Variants in FSCN2 observed in about 807,000 individuals in gnomAD.
FSCN2 encodes fascin actin-bundling protein 2, retinal, also known as fascin-2.
A neutral mutation model predicts 37.8 loss-of-function variants in FSCN2; 46 were observed. That is an observed-to-expected ratio of 1.22 (90% CI 0.96 to 1.56). The LOEUF (loss-of-function observed/expected upper bound fraction) is 1.56, where lower values mean the gene tolerates loss of function less well. Ranked by LOEUF, FSCN2 falls within the 40% of genes most tolerant of loss-of-function variation. The pLI, the probability that FSCN2 is intolerant of heterozygous loss-of-function variation, is 0.00. For missense variants in FSCN2, 844 were observed against 730.4 expected, an observed-to-expected ratio of 1.16 and a Z score of -1.79; for synonymous variants, 351 against 309.4, an observed-to-expected ratio of 1.13 and a Z score of -1.41.
chr17:81,537,088 C>A lies in FSCN2; in HGVS notation c.*8C>A. 1 of 1,417,548 alleles carries A rather than the reference C, an allele frequency of 7.1e-7. No homozygotes were observed. The highest frequency in any genetic ancestry group is 3.3e-5 in the Admixed American group (1 of 30,192). The allele number at this position is 1,417,548 out of a possible 1,614,324, so 87.8% of individuals were successfully genotyped here. ...GCGCTTTGGGAGTACTGAGGCCGCG[C>A]CCAGACCAGCCTGTCGCGCATTAAA... On this transcript the variant is annotated 3_prime_UTR_variant, in exon 5 of 5. Coordinates refer to ENST00000417245, the MANE Select transcript of FSCN2 (RefSeq NM_012418.4).
chr17:81,531,831 GTGGTGA>G (rs1210981984), intron 1 of FSCN2, among the ~76,000 whole-genome samples: 3 of 100,290 alleles, frequency 3.0e-5, no homozygotes, highest in Non-Finnish European at 5.7e-5. Context: ...GATGGTGGTG[GTGGTGA>G]TGGTGGTGAT....
In FSCN2 at chr17:81,536,743, C is replaced by G; in HGVS notation, c.1227C>G (p.Tyr409Ter). The G allele has an allele frequency of 6.2e-7, 1 of 1,610,574 alleles. No individual in the cohort carries two copies. The highest frequency in any genetic ancestry group is 8.5e-7 in the Non-Finnish European group (1 of 1,179,092). Residue 409 changes from tyrosine (Y) to a stop codon, truncating the protein, a stop_gained, in exon 4 of 5, where the codon TAC becomes TAG. Transcript: ENST00000417245. LOFTEE classifies it low-confidence loss of function (END_TRUNC). ...AGCTGGACACCAACCGCTCCGTCTA[C>G]GACGTCTTCCACCTGAGCTTCAGCG... ...SNQLDTNRSV[Y>*]DVFHLSFSDG...
rs1307596494 is a variant in FSCN2 at position 81,532,074 on chromosome 17, G to GTGGTGA, written c.826+2732_826+2737dup. Among the ~76,000 whole-genome samples, 20 of 131,272 alleles carry GTGGTGA rather than the reference G, an allele frequency of 1.5e-4. 1 individual carries two copies. Among genetic ancestry groups the GTGGTGA allele is most frequent in the African/African-American group, 5.5e-4 (19 of 34,826 alleles). The allele number at this position is 131,272 out of a possible 152,430, so 86.1% of individuals were successfully genotyped here. On this transcript the variant is annotated intron_variant, in intron 1 of 4. Transcript: ENST00000417245. ...GATGGTGATGGTGATGATAGTGATG[G>GTGGTGA]TGGTGATGGTGATGGTGATGATGGT...
chr17:81,532,273 T>G (rs1208507959), intron 1 of FSCN2, among the ~76,000 whole-genome samples: 2 of 144,674 alleles, frequency 1.4e-5, no homozygotes, highest in African/African-American at 5.4e-5. Flanking sequence ...ATAGTGATGG[T>G]GGTGATGGTG....
At position 81,536,806 on chromosome 17, in the gene FSCN2, G is replaced by A; in HGVS notation, c.1273+17G>A. On this transcript the variant is annotated intron_variant, in intron 4 of 4. Coordinates refer to ENST00000417245, the MANE Select transcript of FSCN2 (RefSeq NM_012418.4). ...GGATCCGAGGTGCGTGGCGGGGCGG[G>A]TGGGCACGCGGGAGCGGGGGTGGCA... The A allele has an allele frequency of 6.4e-7, 1 of 1,569,696 alleles. No homozygotes were observed. Among genetic ancestry groups the A allele is most frequent in the East Asian group, 2.3e-5 (1 of 42,870 alleles).
At chr17:81,533,096 G>A (rs1197270785) in intron 1 of FSCN2, among the ~76,000 whole-genome samples, 1 of 152,156 alleles carries the variant, frequency 6.6e-6, no homozygotes, top group Non-Finnish European at 1.5e-5. Flanking sequence ...CGTGGGTGGT[G>A]CCATAGCATC....
At chr17:81,531,332 G>GATGATA (rs1555671264) in intron 1 of FSCN2, among the ~76,000 whole-genome samples, 1 of 141,492 alleles carries the variant, frequency 7.1e-6, no homozygotes, top group East Asian at 2.1e-4. Context: ...TGGTGGTGGT[G>GATGATA]GTGATGGTGG....
upstream of FSCN2, among the ~76,000 whole-genome samples, chr17:81,524,914 CACACA>C (rs1555669881): frequency 2.9e-4 from 43 of 149,664 alleles, no homozygotes; most frequent in Non-Finnish European, 6.0e-4. Flanking sequence ...CACACACACA[CACACA>C]CCACACTCAC....
chr17:81,521,595 C>T, the FSCN2 span, among the ~76,000 whole-genome samples: 1 of 152,158 alleles, frequency 6.6e-6, no homozygotes, highest in African/African-American at 2.4e-5. Flanking sequence ...TGGTCTTGAA[C>T]TCCTGGGTTC....
chr17:81,520,324 C>G, the FSCN2 span, among the ~76,000 whole-genome samples: 1 of 152,186 alleles, frequency 6.6e-6, no homozygotes, highest in Non-Finnish European at 1.5e-5. Flanking sequence ...ACACCATGCC[C>G]AGGGAAGGAT....
intron 1 of FSCN2, among the ~76,000 whole-genome samples, chr17:81,531,255 GTGA>G (rs1336746995): frequency 2.3e-4 from 26 of 115,120 alleles, no homozygotes; most frequent in South Asian, 5.7e-4. Context: ...GATGGTGATG[GTGA>G]TGATGGTGGT....
intron 1 of FSCN2, among the ~76,000 whole-genome samples, chr17:81,531,495 ATGG>A (rs1300659276): frequency 5.4e-5 from 5 of 92,426 alleles, no homozygotes; most frequent in East Asian, 3.9e-4. Context: ...GATGATGGTG[ATGG>A]TGATGGTGGT....
In FSCN2 at chr17:81,533,440, C is replaced by T. The variant is rs182896022; in HGVS notation, c.827-1612C>T. Among the ~76,000 whole-genome samples the T allele has an allele frequency of 3.3e-3, 507 of 152,324 alleles. 3 individuals carry two copies. Among genetic ancestry groups the T allele is most frequent in the African/African-American group, 0.011 (473 of 41,562 alleles). The stretch of plus-strand genomic sequence containing the variant: ...GCTCAGCAGCTTCCCCGGAGTCCTC[C>T]GTTCTTACCTCCTCACCGAACCACT... On this transcript the variant is annotated intron_variant, in intron 1 of 4. Coordinates refer to ENST00000417245, the MANE Select transcript of FSCN2 (RefSeq NM_012418.4).
At chr17:81,534,340 G>A (rs781484807) in intron 1 of FSCN2, among the ~76,000 whole-genome samples, 45 of 152,180 alleles carry the variant, frequency 3.0e-4, no homozygotes, top group Non-Finnish European at 4.4e-4. Flanking sequence ...CCTGGGCCTT[G>A]TGGGAAGCTC....
In FSCN2 at chr17:81,536,362, C is replaced by T. The variant is rs548655583; in HGVS notation, c.1105+95C>T. On this transcript the variant is annotated intron_variant, in intron 3 of 4. Transcript: ENST00000417245. ...CCCCATCTCCACCAAGAGCTGGACCCTCCCCAGCCCACGGAACGGGTGCTG... is the reference window on the plus strand; with the variant it reads ...CCCCATCTCCACCAAGAGCTGGACCTTCCCCAGCCCACGGAACGGGTGCTG... 5.4e-5 allele frequency: 80 copies of T among 1,482,772 alleles called. 1 individual carries two copies. The Admixed American group carries it at 1.5e-3, about 28-fold the overall frequency. 91.9% of individuals were successfully genotyped at this position (1,482,772 alleles called of 1,614,324 possible).
upstream of FSCN2, chr17:81,527,825 G>A (rs11869113): frequency 0.87 from 132,618 of 152,584 alleles, 57,785 homozygotes; most frequent in African/African-American, 0.93. Flanking sequence ...CAGCGTGGGT[G>A]GCAGTCCAGT....
chr17:81,522,151 C>T, the FSCN2 span, among the ~76,000 whole-genome samples: 5 of 151,726 alleles, frequency 3.3e-5, no homozygotes, highest in Non-Finnish European at 5.9e-5. Flanking sequence ...GGATTACAGG[C>T]GTGGACCACC....
At chr17:81,536,825 G>C (rs1338790397) in intron 4 of FSCN2, 36 bp downstream of exon 4, 2 of 1,554,050 alleles carry the variant, frequency 1.3e-6, no homozygotes, top group East Asian at 2.4e-5. Flanking sequence ...CGGGAGCGGG[G>C]GTGGCAGCGG....
intron 1 of FSCN2, among the ~76,000 whole-genome samples, chr17:81,531,273 GCGGTGGTGA>G (rs1568076980): frequency 1.5e-4 from 4 of 27,368 alleles, no homozygotes; most frequent in South Asian, 1.2e-3. Flanking sequence ...GGTGGTGATG[GCGGTGGTGA>G]TGGTGATGGT....
Sources: allele counts gnomAD v4.1 joint callset (sites outside exome capture counted in the v4.1 genomes callset), GRCh38; gene constraint gnomAD v4.1.1; transcripts MANE v1.5; gene names NCBI Gene and HGNC (gene_info 2026-07-23, HGNC 2026-07-21).